Variants in PRIMA1 observed in about 807,000 individuals in gnomAD.
PRIMA1 encodes the protein proline-rich membrane anchor 1.
PRIMA1 carries 7 observed loss-of-function variants against 17.5 expected under a neutral mutation model. The ratio of observed to expected loss-of-function variants is 0.40; its 90% CI spans 0.23 to 0.75. The LOEUF (loss-of-function observed/expected upper bound fraction) is 0.75. PRIMA1 is among the 30% of genes least tolerant of loss of function. PRIMA1 has a pLI of 0.37. For missense variants in PRIMA1, 200 were observed against 201.8 expected, an observed-to-expected ratio of 0.99 and a Z score of 0.05; for synonymous variants, 97 against 77.9, an observed-to-expected ratio of 1.25 and a Z score of -1.29.
intron 2 of PRIMA1, 27 bp from the exon 3 acceptor site, chr14:93,779,338 G>A: frequency 6.7e-7 from 1 of 1,495,612 alleles, no homozygotes; most frequent in Non-Finnish European, 8.9e-7. Flanking sequence ...ACGTACCCAA[G>A]AGAGAGAGAA....
At chr14:93,746,182 G>A (rs776769565) in intron 3 of PRIMA1, among the ~76,000 whole-genome samples, 8 of 152,106 alleles carry the variant, frequency 5.3e-5, no homozygotes, top group Admixed American at 4.6e-4. Context: ...CGCAAGGACA[G>A]GAGAGGAAAA....
intron 4 of PRIMA1, among the ~76,000 whole-genome samples, chr14:93,736,515 G>A (rs1337679909): frequency 6.6e-6 from 1 of 152,182 alleles, no homozygotes; most frequent in Non-Finnish European, 1.5e-5. Flanking sequence ...TTGGGTTCTC[G>A]GCTGGGTGGC....
At position 93,726,531 on chromosome 14, in the gene PRIMA1, CAT is replaced by C. The variant is rs1345509537; in HGVS notation, c.360-4987_360-4986del. On this transcript the variant is annotated intron_variant, in intron 4 of 4. Transcript: ENST00000393140. The surrounding 1 kb of genome is among the most constrained non-coding windows in gnomAD (Gnocchi z 4.2). The stretch of plus-strand genomic sequence containing the variant: ...TGCGTAACACACACAGGCACGTACA[CAT>C]AGACACATGTACACATGCACAAATC... Among the ~76,000 whole-genome samples the C allele has an allele frequency of 2.2e-4, 34 of 152,192 alleles. No homozygotes were observed. Among genetic ancestry groups the C allele is most frequent in the African/African-American group, 6.7e-4 (28 of 41,532 alleles).
chr14:93,752,191 C>G (rs1364193469), intron 3 of PRIMA1, among the ~76,000 whole-genome samples: 1 of 152,158 alleles, frequency 6.6e-6, no homozygotes, highest in Non-Finnish European at 1.5e-5. Flanking sequence ...TCCTTAGATT[C>G]TTTTATTTGA....
chr14:93,777,399 C>T (rs1397083682), intron 3 of PRIMA1, among the ~76,000 whole-genome samples: 1 of 152,176 alleles, frequency 6.6e-6, no homozygotes, highest in Non-Finnish European at 1.5e-5. Flanking sequence ...TGCAGTGGCG[C>T]AATCTTGGTT....
intron 4 of PRIMA1, among the ~76,000 whole-genome samples, chr14:93,731,957 T>A (rs1041439435): frequency 9.9e-5 from 15 of 152,222 alleles, no homozygotes; most frequent in African/African-American, 3.4e-4. Context: ...TAAGTGGTGC[T>A]TAGGCACAAT....
intron 2 of PRIMA1, 81 bp downstream of exon 2, chr14:93,787,545 G>C (rs1885558060): frequency 3.3e-6 from 5 of 1,529,400 alleles, no homozygotes; most frequent in Non-Finnish European, 4.4e-6. Context: ...GCTGCAAGAG[G>C]CCAGGGTCTC....
chr14:93,727,749 C>A (rs1380132792), intron 4 of PRIMA1, among the ~76,000 whole-genome samples: 1 of 152,224 alleles, frequency 6.6e-6, no homozygotes, highest in Non-Finnish European at 1.5e-5. Flanking sequence ...ACACCAGCCC[C>A]AGGTCACGGA....
rs538026918 is a variant in PRIMA1, at chr14:93,728,533, G to A, written c.360-6987C>T. Among the ~76,000 whole-genome samples the A allele has an allele frequency of 7.2e-5, 11 of 152,252 alleles. No individual in the cohort carries two copies. The East Asian group carries it at 9.7e-4, about 13-fold the overall frequency. ...CAGCCCCTGTAGGGTGCAGCTGGCC[G>A]GGGCAAGGTGTCTGGGTCTTATCCT... On this transcript the variant is annotated intron_variant, in intron 4 of 4. Transcript: ENST00000393140.
At position 93,719,893 on chromosome 14, in the gene PRIMA1, G is replaced by C. The variant is rs1299010015; in HGVS notation, c.*1551C>G. 6.6e-6 allele frequency: 1 copy of C among 152,266 alleles called. No homozygotes were observed. The highest frequency in any genetic ancestry group is 1.9e-4 in the East Asian group (1 of 5,196). 9.4% of individuals were successfully genotyped at this position (152,266 alleles called of 1,614,324 possible). ...GTCCTCAGCCCACACCTGATGACCT[G>C]GGCAGGACAATGACACACAGACAGC... On this transcript the variant is annotated 3_prime_UTR_variant, in exon 5 of 5. Transcript: ENST00000393140.
At position 93,720,113 on chromosome 14, in the gene PRIMA1, T is replaced by G. The variant is rs535008179; in HGVS notation, c.*1331A>C. 6.6e-6 allele frequency: 1 copy of G among 152,282 alleles called. No individual in the cohort carries two copies. Among genetic ancestry groups the G allele is most frequent in the African/African-American group, 2.4e-5 (1 of 41,456 alleles). 9.4% of individuals were successfully genotyped at this position (152,282 alleles called of 1,614,324 possible). On this transcript the variant is annotated 3_prime_UTR_variant, in exon 5 of 5. Coordinates refer to ENST00000393140, the MANE Select transcript of PRIMA1 (RefSeq NM_178013.4). ...CTCGACAGTGGAACCATTCAATGCA[T>G]TGGGCTCCTTCTGAGCACATATGTA...
At chr14:93,771,060 G>GTGTGTGTGCATGTA (rs1209304961) in intron 3 of PRIMA1, among the ~76,000 whole-genome samples, 2 of 4,002 alleles carry the variant, frequency 5.0e-4, no homozygotes, top group African/African-American at 1.2e-3. Context: ...GTGCATGTAT[G>GTGTGTGTGCATGTA]TGTGTGTGTG....
Position 93,720,857 on chromosome 14 carries a change from G to C in PRIMA1, c.*587C>G, listed in dbSNP as rs747363354. 3 of 152,838 alleles carry C rather than the reference G, an allele frequency of 2.0e-5. No homozygotes were observed. The highest frequency in any genetic ancestry group is 7.2e-5 in the African/African-American group (3 of 41,472). 9.5% of individuals were successfully genotyped at this position (152,838 alleles called of 1,614,324 possible). ...CAGGAGCCTAGGGTGTAGGGTGTCA[G>C]TGGGGATAGGAGGGAGAAGGCAGGC... On this transcript the variant is annotated 3_prime_UTR_variant, in exon 5 of 5. Transcript: ENST00000393140.
At chr14:93,788,791 G>A (rs1034218947), upstream of PRIMA1, among the ~76,000 whole-genome samples, 6 of 151,942 alleles carry the variant, frequency 3.9e-5, no homozygotes, top group Non-Finnish European at 8.8e-5. Context: ...CCGCCGAGGC[G>A]GAGGCAGAGG....
chr14:93,776,203 C>G (rs1885218197), intron 3 of PRIMA1, among the ~76,000 whole-genome samples: 1 of 152,210 alleles, frequency 6.6e-6, no homozygotes, highest in Non-Finnish European at 1.5e-5. Context: ...ATGGATTCAG[C>G]AGATCTGCTG....
At chr14:93,757,829 T>C (rs1046664785) in intron 3 of PRIMA1, among the ~76,000 whole-genome samples, 3 of 152,228 alleles carry the variant, frequency 2.0e-5, no homozygotes, top group Non-Finnish European at 2.9e-5. Flanking sequence ...GATTCTGCTA[T>C]GTTTAGGCCA....
rs192279690 is a variant in PRIMA1, at chr14:93,766,291, C to G, written c.229+12885G>C. ...ACAGCAGAGGCAAAGAAAACAAGAC[C>G]CAGATTCCAAAGACCTGGGTCTGGG... On this transcript the variant is annotated intron_variant, in intron 3 of 4. Transcript: ENST00000393140. 2.6e-5 allele frequency among the ~76,000 whole-genome samples: 4 copies of G among 152,236 alleles called. No homozygotes were observed. The East Asian group carries it at 7.7e-4, about 29-fold the overall frequency.
At position 93,719,472 on chromosome 14, in the gene PRIMA1, C is replaced by T. The variant is rs1157515766; in HGVS notation, c.*1972G>A. ...CTCTGATCACTCCTGAGCTTCTGGACAGCCCAAGGCATGGGCACTTTCTCA... is the reference window on the plus strand; with the variant it reads ...CTCTGATCACTCCTGAGCTTCTGGATAGCCCAAGGCATGGGCACTTTCTCA... On this transcript the variant is annotated 3_prime_UTR_variant, in exon 5 of 5. Coordinates refer to ENST00000393140, the MANE Select transcript of PRIMA1 (RefSeq NM_178013.4). The T allele has an allele frequency of 6.6e-6, 1 of 152,332 alleles. No homozygotes were observed. Among genetic ancestry groups the T allele is most frequent in the Non-Finnish European group, 1.5e-5 (1 of 68,128 alleles). 9.4% of individuals were successfully genotyped at this position (152,332 alleles called of 1,614,324 possible).
Position 93,782,050 on chromosome 14 carries a change from G to A in PRIMA1, c.94-2739C>T, listed in dbSNP as rs185743917. Among the ~76,000 whole-genome samples, 592 of 151,936 alleles carry A rather than the reference G, an allele frequency of 3.9e-3. 7 individuals carry two copies. The highest frequency in any genetic ancestry group is 0.013 in the African/African-American group (555 of 41,416). On this transcript the variant is annotated intron_variant, in intron 2 of 4. Transcript: ENST00000393140. ...TGGGAGGCCAAGGCAGGCGGATCAC[G>A]AGGTCAGGAGATCGAGACCATCCTG... is the stretch of plus-strand genomic sequence containing the variant.
Sources: gnomAD v4.1 joint callset for allele counts (sites outside exome capture counted in the v4.1 genomes callset) on GRCh38, gnomAD v4.1.1 for gene constraint, Gnocchi (gnomAD v3.1) non-coding constraint, MANE v1.5 for transcripts, NCBI Gene and HGNC (gene_info 2026-07-23, HGNC 2026-07-21) for gene names.